GRIK4: variants seen among roughly 807,000 people sequenced by gnomAD.
GRIK4 encodes glutamate receptor ionotropic, kainate 4.
Under a neutral mutation model 104.9 loss-of-function variants are expected in GRIK4, and 40 were observed. The ratio of observed to expected loss-of-function variants is 0.38; its 90% CI spans 0.30 to 0.50. The LOEUF (loss-of-function observed/expected upper bound fraction) is 0.50. Ranked by LOEUF, GRIK4 falls within the 20% of genes least tolerant of loss-of-function variation. The pLI, the probability that GRIK4 is intolerant of heterozygous loss-of-function variation, is 0.93. For synonymous variants in GRIK4, 485 were observed against 524.9 expected (o/e 0.92, Z 1.04); for missense variants, 1,047 against 1,308.1 (o/e 0.80, Z 3.08).
In GRIK4 at chr11:120,956,632, T is replaced by G. The variant is rs79383221; in HGVS notation, c.1701-148T>G. On this transcript the variant is annotated intron_variant, in intron 15 of 20. Coordinates refer to ENST00000527524, the MANE Select transcript of GRIK4 (RefSeq NM_014619.5). The surrounding 1 kb of genome is among the most constrained non-coding windows in gnomAD (Gnocchi z 4.6). ...CACTTATTTTATTTTATTTTTTTTT[T>G]GGTTGCGAAACTCCAAGTCCAGCAA... 1 of 451,272 alleles carries G rather than the reference T, an allele frequency of 2.2e-6. No homozygotes were observed. The highest frequency in any genetic ancestry group is 3.9e-6 in the Non-Finnish European group (1 of 257,994). 28.0% of individuals were successfully genotyped at this position (451,272 alleles called of 1,614,324 possible). A position where few individuals can be genotyped will look rare whatever the true frequency, so the allele number is the denominator to read the frequency against.
intron 1 of GRIK4, among the ~76,000 whole-genome samples, chr11:120,637,250 C>T (rs1350528561): frequency 2.0e-5 from 3 of 152,048 alleles, no homozygotes; most frequent in Non-Finnish European, 4.4e-5. Flanking sequence ...CAGGTGTCCT[C>T]ATGTTGGAGT....
rs1038858727 is a variant in GRIK4 at position 120,739,342 on chromosome 11, C to T, written c.83-63351C>T. Among the ~76,000 whole-genome samples the T allele has an allele frequency of 1.1e-4, 16 of 152,308 alleles. No homozygotes were observed. In the East Asian group the frequency reaches 2.5e-3, roughly 24 times the overall value. ...ATGGGGCCAATCTTAGCTGATCTGG[C>T]CCCCTTGAGTTTCCCATGGGCTCTG... On this transcript the variant is annotated intron_variant, in intron 3 of 20. Coordinates refer to ENST00000527524, the MANE Select transcript of GRIK4 (RefSeq NM_014619.5).
At chr11:120,847,718 C>T (rs1953883508) in intron 8 of GRIK4, among the ~76,000 whole-genome samples, 1 of 152,238 alleles carries the variant, frequency 6.6e-6, no homozygotes, top group African/African-American at 2.4e-5. Flanking sequence ...CCATGGACAG[C>T]CAACTTACTA....
intron 3 of GRIK4, among the ~76,000 whole-genome samples, chr11:120,685,943 C>T (rs1950269248): frequency 6.6e-6 from 1 of 152,154 alleles, no homozygotes; most frequent in African/African-American, 2.4e-5. Flanking sequence ...CGCTACCTCT[C>T]TCCAACTCCA....
intron 3 of GRIK4, among the ~76,000 whole-genome samples, chr11:120,760,947 CT>C (rs1951738959): frequency 6.6e-6 from 1 of 152,062 alleles, no homozygotes; most frequent in African/African-American, 2.4e-5. Context: ...GATTTACAGT[CT>C]TTGGGTATAT....
intron 13 of GRIK4, among the ~76,000 whole-genome samples, chr11:120,910,264 C>T (rs1445698285): frequency 1.3e-5 from 2 of 152,166 alleles, no homozygotes; most frequent in South Asian, 2.1e-4. Flanking sequence ...GACACACGGC[C>T]GTGTATTCAT....
intron 8 of GRIK4, among the ~76,000 whole-genome samples, chr11:120,861,353 C>G (rs910743411): frequency 6.6e-6 from 1 of 152,086 alleles, no homozygotes; most frequent in East Asian, 1.9e-4. Context: ...AGTGATCCAT[C>G]CTTCTCGGCC....
intron 6 of GRIK4, among the ~76,000 whole-genome samples, chr11:120,830,008 C>T (rs969528294): frequency 1.3e-5 from 2 of 152,150 alleles, no homozygotes; most frequent in South Asian, 4.1e-4. Flanking sequence ...GTTTCTGAAG[C>T]ATCTTAATAA....
At chr11:120,717,947 G>A (rs544525772) in intron 3 of GRIK4, among the ~76,000 whole-genome samples, 35 of 152,172 alleles carry the variant, frequency 2.3e-4, no homozygotes, top group African/African-American at 4.6e-4. Flanking sequence ...CTCCCTGCCC[G>A]CGTCTGTAAG....
intron 3 of GRIK4, among the ~76,000 whole-genome samples, chr11:120,737,587 G>A (rs1951248751): frequency 6.6e-6 from 1 of 152,158 alleles, no homozygotes; most frequent in Non-Finnish European, 1.5e-5. Flanking sequence ...TGTAAGGAAA[G>A]GAAAGAGATG....
At chr11:120,749,905 C>T (rs1951517083) in intron 3 of GRIK4, among the ~76,000 whole-genome samples, 1 of 152,084 alleles carries the variant, frequency 6.6e-6, no homozygotes, top group South Asian at 2.1e-4. Flanking sequence ...GGCAGTGGGT[C>T]CTGAGTTTAG....
At chr11:120,871,653 G>A (rs754602028) in intron 9 of GRIK4, 17 of 456,232 alleles carry the variant, frequency 3.7e-5, no homozygotes, top group Non-Finnish European at 6.2e-5. Context: ...GAGACTCGAC[G>A]GAGGCCGAGG....
intron 1 of GRIK4, among the ~76,000 whole-genome samples, chr11:120,627,234 T>C (rs1949272167): frequency 6.6e-6 from 1 of 152,224 alleles, no homozygotes; most frequent in Non-Finnish European, 1.5e-5. Flanking sequence ...AATCCAGTTC[T>C]TCCTTCATTC....
chr11:120,541,653 G>A, intron 1 of GRIK4, among the ~76,000 whole-genome samples: 1 of 152,054 alleles, frequency 6.6e-6, no homozygotes, highest in East Asian at 1.9e-4. Flanking sequence ...ATCACGCCTG[G>A]CTAATTTTAG....
intron 3 of GRIK4, among the ~76,000 whole-genome samples, chr11:120,787,644 G>C (rs1952308457): frequency 6.7e-6 from 1 of 150,112 alleles, no homozygotes; most frequent in Admixed American, 6.6e-5. Context: ...TGTATTTTTA[G>C]TGGAGATGGG....
chr11:120,542,002 T>G (rs1280902326), intron 1 of GRIK4, among the ~76,000 whole-genome samples: 3 of 151,916 alleles, frequency 2.0e-5, no homozygotes, highest in Non-Finnish European at 4.4e-5. Flanking sequence ...ATACCTCAAA[T>G]AGCCAAAACA....
intron 6 of GRIK4, among the ~76,000 whole-genome samples, chr11:120,823,315 A>G (rs7927544): frequency 0.012 from 1,801 of 152,316 alleles, 28 homozygotes; most frequent in African/African-American, 0.04. Flanking sequence ...CTAAGCATCT[A>G]CTACACACTA....
chr11:120,740,348 G>A (rs929655673), intron 3 of GRIK4, among the ~76,000 whole-genome samples: 2 of 152,122 alleles, frequency 1.3e-5, no homozygotes, highest in Non-Finnish European at 2.9e-5. Flanking sequence ...AGCCTTTTGC[G>A]GTGGCAGTAG....
intron 3 of GRIK4, among the ~76,000 whole-genome samples, chr11:120,800,864 G>A (rs1389721090): frequency 2.6e-5 from 4 of 152,150 alleles, no homozygotes; most frequent in Admixed American, 6.5e-5. Flanking sequence ...AAATGTATTC[G>A]GCTTGATTCC....
Sources: gnomAD v4.1 joint callset for allele counts (sites outside exome capture counted in the v4.1 genomes callset) on GRCh38, gnomAD v4.1.1 for gene constraint, Gnocchi (gnomAD v3.1) non-coding constraint, MANE v1.5 for transcripts, NCBI Gene and HGNC (gene_info 2026-07-23, HGNC 2026-07-21) for gene names.